Variants in IL33 observed in about 807,000 individuals in gnomAD.
The protein encoded by IL33 is interleukin-33.
A neutral mutation model predicts 27.3 loss-of-function variants in IL33; 37 were observed. That is an observed-to-expected ratio of 1.36 (90% CI 1.04 to 1.78). IL33 has a LOEUF of 1.78. Ranked by LOEUF, IL33 falls within the 40% of genes most tolerant of loss-of-function variation. The probability of loss-of-function intolerance (pLI) is 0.00; values close to 1 mark genes in which losing one functional copy is unlikely to be tolerated. For missense variants in IL33, 406 were observed against 311.4 expected, an observed-to-expected ratio of 1.30 and a Z score of -2.29; for synonymous variants, 132 against 102.9, an observed-to-expected ratio of 1.28 and a Z score of -1.71.
intron 1 of IL33, among the ~76,000 whole-genome samples, chr9:6,233,376 T>C (rs17582919): frequency 0.16 from 23,600 of 152,188 alleles, 2,459 homozygotes; most frequent in Non-Finnish European, 0.22. Flanking sequence ...GTTCCTCCTC[T>C]ACTGCAGGAA....
intron 1 of IL33, among the ~76,000 whole-genome samples, chr9:6,239,723 G>A (rs1172427331): frequency 6.6e-6 from 1 of 152,018 alleles, no homozygotes. Flanking sequence ...ACTCCGGGTG[G>A]CATCCCAGAC....
rs1816302897 is a variant in IL33 at position 6,250,726 on chromosome 9, A to T, written c.217+127A>T. 1.5e-5 allele frequency: 16 copies of T among 1,098,928 alleles called. No individual in the cohort carries two copies. The South Asian group carries it at 3.1e-4, about 22-fold the overall frequency. The allele number at this position is 1,098,928 out of a possible 1,614,324, so 68.1% of individuals were successfully genotyped here. Reference sequence around the variant, plus strand: ...TTTTGGAAAATATTAAGAATGATGAACTGGTTTTTAGCTATTTTTAAAAGG... The same window carrying T: ...TTTTGGAAAATATTAAGAATGATGATCTGGTTTTTAGCTATTTTTAAAAGG... On this transcript the variant is annotated intron_variant, in intron 3 of 7. Transcript: ENST00000682010.
intron 1 of IL33, among the ~76,000 whole-genome samples, chr9:6,221,077 T>TAATATTTCA (rs1818392447): frequency 6.6e-6 from 1 of 152,202 alleles, no homozygotes; most frequent in African/African-American, 2.4e-5. Context: ...TTTCCTTTAG[T>TAATATTTCA]AATATTTCAT....
chr9:6,254,304 C>A (rs186737402), intron 6 of IL33, among the ~76,000 whole-genome samples, 158 bp from the exon 7 acceptor site: 1 of 152,266 alleles, frequency 6.6e-6, no homozygotes, highest in East Asian at 1.9e-4. Context: ...TTATCAGTGC[C>A]TCTTGAACTT....
In IL33 at chr9:6,256,350, C is replaced by T; in HGVS notation, c.*182C>T. On this transcript the variant is annotated 3_prime_UTR_variant, in exon 8 of 8. Coordinates refer to ENST00000682010, the MANE Select transcript of IL33 (RefSeq NM_033439.4). ...AATCCTCCAGTTATTCTTTTATTTC[C>T]CTCTGTATAACTGCATCTTCAATAC... The T allele has an allele frequency of 1.7e-6, 1 of 586,846 alleles. No individual in the cohort carries two copies. The highest frequency in any genetic ancestry group is 2.3e-5 in the South Asian group (1 of 43,360). The allele number at this position is 586,846 out of a possible 1,614,324, so 36.4% of individuals were successfully genotyped here. A position where few individuals can be genotyped will look rare whatever the true frequency, so the allele number is the denominator to read the frequency against.
chr9:6,231,680 A>G (rs1240848426), intron 1 of IL33, among the ~76,000 whole-genome samples: 4 of 152,210 alleles, frequency 2.6e-5, no homozygotes, highest in Non-Finnish European at 5.9e-5. Context: ...CTGTATCCCC[A>G]GCACCTAGCC....
chr9:6,230,173 T>C (rs1188300769), intron 1 of IL33, among the ~76,000 whole-genome samples: 2 of 152,150 alleles, frequency 1.3e-5, no homozygotes, highest in Non-Finnish European at 2.9e-5. Context: ...AGCACAGAAG[T>C]ACTTTACAAG....
At chr9:6,238,781 T>C (rs539102809) in intron 1 of IL33, among the ~76,000 whole-genome samples, 5 of 152,238 alleles carry the variant, frequency 3.3e-5, no homozygotes, top group African/African-American at 1.2e-4. Context: ...TTGCAGGCAA[T>C]GTCAGAGAGT....
intron 2 of IL33, 65 bp downstream of exon 2, chr9:6,241,850 C>T (rs1316582980): frequency 2.8e-6 from 3 of 1,074,048 alleles, no homozygotes; most frequent in South Asian, 1.5e-5. Flanking sequence ...AATATTTATA[C>T]TCCAATGTTT....
intron 1 of IL33, among the ~76,000 whole-genome samples, chr9:6,223,004 C>T: frequency 6.6e-6 from 1 of 151,944 alleles, no homozygotes; most frequent in Non-Finnish European, 1.5e-5. Context: ...AAAACAAATA[C>T]CTGTGTATTT....
chr9:6,216,477 G>A (rs1337917018), intron 1 of IL33, among the ~76,000 whole-genome samples: 1 of 152,208 alleles, frequency 6.6e-6, no homozygotes, highest in African/African-American at 2.4e-5. Context: ...GTTCAAGCCT[G>A]TAATCCCAAC....
chr9:6,228,918 A>T (rs1255591988), intron 1 of IL33, among the ~76,000 whole-genome samples: 1 of 152,112 alleles, frequency 6.6e-6, no homozygotes, highest in African/African-American at 2.4e-5. Flanking sequence ...AAAAACCAAA[A>T]AATGCTGCAG....
At chr9:6,230,231 A>G (rs1463850022) in intron 1 of IL33, among the ~76,000 whole-genome samples, 4 of 152,130 alleles carry the variant, frequency 2.6e-5, no homozygotes. Flanking sequence ...CTTCCCTAAA[A>G]TCTCACACTA....
At chr9:6,220,205 G>A (rs894321405) in intron 1 of IL33, among the ~76,000 whole-genome samples, 4 of 152,048 alleles carry the variant, frequency 2.6e-5, no homozygotes, top group African/African-American at 9.7e-5. Context: ...TTGGCTGAGC[G>A]CTTTACTTTT....
chr9:6,236,887 A>C (rs1819243304), intron 1 of IL33, among the ~76,000 whole-genome samples: 1 of 152,186 alleles, frequency 6.6e-6, no homozygotes, highest in South Asian at 2.1e-4. Context: ...TAAATAAATA[A>C]ATAAAATGAA....
chr9:6,218,938 ATATATG>A (rs1207948360), intron 1 of IL33, among the ~76,000 whole-genome samples: 2 of 106,400 alleles, frequency 1.9e-5, no homozygotes, highest in Non-Finnish European at 3.9e-5. Flanking sequence ...ATATATATAT[ATATATG>A]TCTACATCAG....
chr9:6,250,007 A>G (rs372003917), intron 2 of IL33, among the ~76,000 whole-genome samples: 3 of 152,190 alleles, frequency 2.0e-5, no homozygotes, highest in Admixed American at 1.3e-4. Flanking sequence ...ATACCCCTCA[A>G]TTAGGCAAAG....
chr9:6,219,163 CA>C (rs1278457076), intron 1 of IL33, among the ~76,000 whole-genome samples: 2 of 151,556 alleles, frequency 1.3e-5, no homozygotes, highest in African/African-American at 2.4e-5. Flanking sequence ...ACTCCTGAAA[CA>C]GCAGAAAGAA....
intron 2 of IL33, among the ~76,000 whole-genome samples, chr9:6,247,167 A>T (rs1229119097): frequency 6.6e-6 from 1 of 151,896 alleles, no homozygotes; most frequent in Non-Finnish European, 1.5e-5. Flanking sequence ...AGAAAGTTTA[A>T]GAGTGAGAGA....
Sources: gnomAD v4.1 joint callset for allele counts (sites outside exome capture counted in the v4.1 genomes callset) on GRCh38, gnomAD v4.1.1 for gene constraint, MANE v1.5 for transcripts, NCBI Gene and HGNC (gene_info 2026-07-23, HGNC 2026-07-21) for gene names.